NUCB1: variants seen among roughly 807,000 people sequenced by gnomAD.
NUCB1 encodes the protein nucleobindin-1.
NUCB1 carries 47 observed loss-of-function variants against 61.2 expected under a neutral mutation model. The ratio of observed to expected loss-of-function variants is 0.77; its 90% CI spans 0.61 to 0.98. The LOEUF (loss-of-function observed/expected upper bound fraction) is 0.98. Among genes scored for constraint, NUCB1 ranks in the 50% least tolerant of loss-of-function variants. NUCB1 has a pLI of 0.00. For synonymous variants in NUCB1, 234 were observed against 243.1 expected (o/e 0.96, Z 0.35); for missense variants, 583 against 605.3 (o/e 0.96, Z 0.39).
rs1256743190 is a variant in NUCB1 at position 48,904,411 on chromosome 19, A to G, written c.200A>G (p.His67Arg). The G allele has an allele frequency of 2.5e-6, 4 of 1,610,730 alleles. No homozygotes were observed. In the Admixed American group the frequency reaches 5.0e-5, roughly 20 times the overall value. ...ATCGATGTACTGGAGACGGATGGGCATTTCCGAGAGAAGCTGCAGGCTGCC... is the reference window on the plus strand; with the variant it reads ...ATCGATGTACTGGAGACGGATGGGCGTTTCCGAGAGAAGCTGCAGGCTGCC... Reference protein sequence around the residue: ...EVIDVLETDGHFREKLQAANA... With the variant: ...EVIDVLETDGRFREKLQAANA... The change falls in exon 3 of 13, where the codon CAT becomes CGT. Residue 67 changes from histidine to arginine, a missense_variant. Physicochemically the swap from His to Arg is conservative, Grantham distance 29. Transcript: ENST00000405315.
intron 5 of NUCB1, among the ~76,000 whole-genome samples, chr19:48,912,253 C>T (rs548065416): frequency 4.4e-4 from 67 of 151,878 alleles, no homozygotes; most frequent in African/African-American, 1.5e-3. Context: ...CTTGAACTCC[C>T]GGGCTCGAGT....
intron 4 of NUCB1, among the ~76,000 whole-genome samples, chr19:48,910,562 T>G (rs113360897): frequency 2.0e-5 from 3 of 151,420 alleles, no homozygotes; most frequent in Admixed American, 2.0e-4. Context: ...TGTGGTGGCA[T>G]GCACCTGTAG....
chr19:48,911,405 CTTTT>C (rs1163076168), intron 5 of NUCB1, among the ~76,000 whole-genome samples, 153 bp downstream of exon 5: 2 of 104,440 alleles, frequency 1.9e-5, no homozygotes, highest in Middle Eastern at 4.0e-3. Context: ...CTTTTCTTTT[CTTTT>C]TTTTTTTTTT....
At chr19:48,902,698 C>T (rs928862441) in intron 2 of NUCB1, among the ~76,000 whole-genome samples, 9 of 152,014 alleles carry the variant, frequency 5.9e-5, no homozygotes, top group African/African-American at 2.2e-4. Flanking sequence ...GTGTGAGCCA[C>T]TGAGTTCTGA....
intron 2 of NUCB1, among the ~76,000 whole-genome samples, chr19:48,902,945 A>ATATG (rs1452863785): frequency 2.0e-5 from 3 of 148,842 alleles, no homozygotes; most frequent in Admixed American, 2.0e-4. Flanking sequence ...ATGTATATAT[A>ATATG]TATATATATG....
Position 48,922,532 on chromosome 19 carries a change from C to T in NUCB1, c.*108C>T. 2 of 898,826 alleles carry T rather than the reference C, an allele frequency of 2.2e-6. No homozygotes were observed. Among genetic ancestry groups the T allele is most frequent in the East Asian group, 2.6e-5 (1 of 38,784 alleles). 55.7% of individuals were successfully genotyped at this position (898,826 alleles called of 1,614,324 possible). On this transcript the variant is annotated 3_prime_UTR_variant, in exon 13 of 13. Transcript: ENST00000405315. ...CTGGGGGCTGGTGTCATGTTGGGCTCCTGGGGCGGGGGCACGGCCTGGCAT... is the reference window on the plus strand; with the variant it reads ...CTGGGGGCTGGTGTCATGTTGGGCTTCTGGGGCGGGGGCACGGCCTGGCAT...
At chr19:48,914,438 C>G (rs1423820785) in intron 7 of NUCB1, among the ~76,000 whole-genome samples, 1 of 152,068 alleles carries the variant, frequency 6.6e-6, no homozygotes, top group African/African-American at 2.4e-5. Context: ...CTGACTCATT[C>G]ATTCAGCAAA....
intron 7 of NUCB1, among the ~76,000 whole-genome samples, chr19:48,917,682 G>C (rs2037556325): frequency 6.6e-6 from 1 of 152,152 alleles, no homozygotes; most frequent in South Asian, 2.1e-4. Context: ...TTTTTGTAGA[G>C]ACGGGGTTTT....
At position 48,905,747 on chromosome 19, in the gene NUCB1, T is replaced by C. The variant is rs73063524; in HGVS notation, c.244-6T>C. 0.14 allele frequency: 226,151 copies of C among 1,613,892 alleles called. 17,588 individuals carry two copies. Among genetic ancestry groups the C allele is most frequent in the Non-Finnish European group, 0.16 (188,413 of 1,179,948 alleles). ...CCAGGCTGACCAGGGTCTCCTCTCC[T>C]GTCAGAGCGGGAAGCTGAGCCGAGA... On this transcript the variant is annotated splice_region_variant and splice_polypyrimidine_tract_variant and intron_variant, in intron 3 of 12. Transcript: ENST00000405315.
rs904010443 is a variant in NUCB1, at chr19:48,922,819, A to T, written c.*395A>T. 4.2e-5 allele frequency: 8 copies of T among 192,132 alleles called. No homozygotes were observed. The highest frequency in any genetic ancestry group is 8.7e-5 in the Non-Finnish European group (8 of 92,308). The allele number at this position is 192,132 out of a possible 1,614,324, so 11.9% of individuals were successfully genotyped here. On this transcript the variant is annotated 3_prime_UTR_variant, in exon 13 of 13. Coordinates refer to ENST00000405315, the MANE Select transcript of NUCB1 (RefSeq NM_006184.6). ...CCTAGCATCCTGTATGCCCACAGCT[A>T]CTGGAATCCCCGCTGCTGCTCCGGG... is the stretch of plus-strand genomic sequence containing the variant.
intron 10 of NUCB1, among the ~76,000 whole-genome samples, chr19:48,919,795 G>C (rs897651395): frequency 7.9e-6 from 1 of 127,000 alleles, no homozygotes; most frequent in Non-Finnish European, 1.6e-5. Flanking sequence ...CTGAAACAGG[G>C]TCTTGCTCTG....
intron 7 of NUCB1, chr19:48,918,460 A>C: frequency 1.1e-5 from 5 of 445,860 alleles, no homozygotes; most frequent in Middle Eastern, 5.9e-4. Flanking sequence ...AGGGCCAGAG[A>C]ATCCTGCATG....
intron 4 of NUCB1, among the ~76,000 whole-genome samples, chr19:48,906,553 C>A (rs1330325120): frequency 6.6e-6 from 1 of 151,892 alleles, no homozygotes; most frequent in Non-Finnish European, 1.5e-5. Context: ...AGACCCCTGT[C>A]TCTATAAAAA....
Position 48,921,810 on chromosome 19 carries a change from C to T in NUCB1, c.1174-17C>T, listed in dbSNP as rs2037612511. On this transcript the variant is annotated splice_polypyrimidine_tract_variant and intron_variant, in intron 11 of 12. Coordinates refer to ENST00000405315, the MANE Select transcript of NUCB1 (RefSeq NM_006184.6). ...GCATCACACCCTCTTGTCTGTGTGA[C>T]CCCCCACCTCCCACAGGCTGTGCTG... 2 of 1,605,400 alleles carry T rather than the reference C, an allele frequency of 1.2e-6. No individual in the cohort carries two copies. Among genetic ancestry groups the T allele is most frequent in the African/African-American group, 1.3e-5 (1 of 74,808 alleles).
intron 12 of NUCB1, 47 bp from the exon 13 acceptor site, chr19:48,922,271 G>A (rs1600071140): frequency 6.6e-7 from 1 of 1,516,526 alleles, no homozygotes; most frequent in South Asian, 1.1e-5. Context: ...CCTGGGGGAG[G>A]AGGGGTTCGG....
At chr19:48,908,394 T>C (rs1236325885) in intron 4 of NUCB1, among the ~76,000 whole-genome samples, 1 of 152,110 alleles carries the variant, frequency 6.6e-6, no homozygotes, top group Non-Finnish European at 1.5e-5. Flanking sequence ...CCTCCCAAAT[T>C]GCTGAGATTA....
intron 3 of NUCB1, 95 bp from the exon 4 acceptor site, chr19:48,905,658 C>T: frequency 7.1e-7 from 1 of 1,403,112 alleles, no homozygotes. Context: ...AGGGAAGGGG[C>T]AGTATAAGAC....
chr19:48,922,114 CTG>C (rs1352949171), intron 12 of NUCB1, among the ~76,000 whole-genome samples, 182 bp downstream of exon 12: 3 of 146,166 alleles, frequency 2.1e-5, no homozygotes, highest in African/African-American at 7.7e-5. Context: ...GGGCTGGGGG[CTG>C]GGACCCCTGG....
chr19:48,905,909 G>GGGGGGGGGGGGTTGGT, intron 4 of NUCB1, 24 bp downstream of exon 4: 1 of 496,804 alleles, frequency 2.0e-6, no homozygotes, highest in Non-Finnish European at 4.0e-6. Context: ...GGGCGGGAGG[G>GGGGGGGGGGGGTTGGT]ACAGGCAGGG....
Sources: gnomAD v4.1 joint callset for allele counts (sites outside exome capture counted in the v4.1 genomes callset) on GRCh38, gnomAD v4.1.1 for gene constraint, MANE v1.5 for transcripts, NCBI Gene and HGNC (gene_info 2026-07-23, HGNC 2026-07-21) for gene names.